CHD8: variants seen among roughly 807,000 people sequenced by gnomAD.
The protein encoded by CHD8 is ATP-dependent chromatin remodeler CHD8.
In CHD8, 31 loss-of-function variants were observed where a neutral mutation model predicts 279.2. The ratio of observed to expected loss-of-function variants is 0.11; its 90% CI spans 0.08 to 0.15. CHD8 has a LOEUF of 0.15. Among genes scored for constraint, CHD8 ranks in the 10% least tolerant of loss-of-function variants. The probability of loss-of-function intolerance (pLI) is 1.00; values close to 1 mark genes in which losing one functional copy is unlikely to be tolerated. For missense variants in CHD8, 2,146 were observed against 3,230.5 expected, an observed-to-expected ratio of 0.66 and a Z score of 8.14; for synonymous variants, 1,081 against 1,139.6, an observed-to-expected ratio of 0.95 and a Z score of 1.04.
At chr14:21,390,809 T>C in intron 37 of CHD8, 138 bp downstream of exon 37, 1 of 581,044 alleles carries the variant, frequency 1.7e-6, no homozygotes, top group Non-Finnish European at 3.0e-6. Flanking sequence ...GGTTTCCTTA[T>C]TGGTGAACTC....
At chr14:21,433,051 A>G (rs1889632311) in intron 1 of CHD8, among the ~76,000 whole-genome samples, 1 of 152,160 alleles carries the variant, frequency 6.6e-6, no homozygotes, top group Admixed American at 6.5e-5. Flanking sequence ...TCTCTGGGAG[A>G]AAGTTCTTGG....
At chr14:21,397,693 G>A in intron 27 of CHD8, 130 bp downstream of exon 27, 15 of 878,368 alleles carry the variant, frequency 1.7e-5, no homozygotes, top group East Asian at 2.7e-5. Flanking sequence ...CTTTCTGCTG[G>A]TCCTATTTTT....
chr14:21,454,279 C>G (rs760171469), intron 1 of CHD8, among the ~76,000 whole-genome samples: 8 of 152,096 alleles, frequency 5.3e-5, no homozygotes, highest in Non-Finnish European at 1.2e-4. Flanking sequence ...AATACAAAAA[C>G]TGTTCAAGTA....
At chr14:21,445,231 T>C (rs1430364359) in intron 1 of CHD8, among the ~76,000 whole-genome samples, 1 of 152,220 alleles carries the variant, frequency 6.6e-6, no homozygotes, top group Admixed American at 6.5e-5. Context: ...ACTGGTTCTC[T>C]TCCATTCTGC....
At chr14:21,439,428 C>A (rs1566452543) in intron 1 of CHD8, among the ~76,000 whole-genome samples, 1 of 152,164 alleles carries the variant, frequency 6.6e-6, no homozygotes. Flanking sequence ...GATTCTCTTA[C>A]AATATATAAC....
At chr14:21,437,132 A>G (rs1218490676) in intron 1 of CHD8, 2 of 994,050 alleles carry the variant, frequency 2.0e-6, no homozygotes, top group African/African-American at 1.7e-5. Flanking sequence ...GAGAGGCCCG[A>G]CAAGCCCTGA....
chr14:21,410,572 A>G (rs1888446917), intron 10 of CHD8, among the ~76,000 whole-genome samples: 1 of 152,242 alleles, frequency 6.6e-6, no homozygotes. Flanking sequence ...AAAAAGTTCA[A>G]CTACAGTAAG....
At chr14:21,407,323 T>G (rs1428210082) in intron 13 of CHD8, among the ~76,000 whole-genome samples, 1 of 152,134 alleles carries the variant, frequency 6.6e-6, no homozygotes, top group Non-Finnish European at 1.5e-5. Context: ...GCCCCAGATC[T>G]TTTGTTGATT....
At chr14:21,432,576 C>T (rs968588564) in intron 1 of CHD8, among the ~76,000 whole-genome samples, 2 of 152,172 alleles carry the variant, frequency 1.3e-5, no homozygotes, top group Non-Finnish European at 2.9e-5. Flanking sequence ...TTTTACATTC[C>T]AGTCCAACTA....
At chr14:21,424,186 G>T (rs552968668) in intron 5 of CHD8, among the ~76,000 whole-genome samples, 1 of 152,172 alleles carries the variant, frequency 6.6e-6, no homozygotes, top group Non-Finnish European at 1.5e-5. Context: ...CAATTCGGTT[G>T]GGATTTATTT....
chr14:21,412,831 T>A, intron 10 of CHD8, 82 bp downstream of exon 10: 1 of 833,170 alleles, frequency 1.2e-6, no homozygotes, highest in Non-Finnish European at 2.1e-6. Context: ...TCTGCATCCA[T>A]ACCCGAAAAA....
chr14:21,406,864 T>G lies in CHD8; in HGVS notation c.2899A>C (p.Met967Leu). Reference protein sequence around the residue: ...NCKLLDSLKHMDLEHKVLLTG... With the variant: ...NCKLLDSLKHLDLEHKVLLTG... ...GTCAGTGTGGAACTCACCAGGTCCATGTGCTTGAGACTATCAAGCAGCTTG... is the reference window on the plus strand; with the variant it reads ...GTCAGTGTGGAACTCACCAGGTCCAGGTGCTTGAGACTATCAAGCAGCTTG... Residue 967 changes from methionine to leucine, a missense_variant, in exon 14 of 38, where the codon ATG (methionine) becomes CTG (leucine). This residue lies in a region of CHD8 where 211 missense variants were observed against 464.7 expected (regional missense o/e 0.45). Coordinates refer to ENST00000646647, the MANE Select transcript of CHD8 (RefSeq NM_001170629.2). 4 of 1,612,898 alleles carry G rather than the reference T, an allele frequency of 2.5e-6. No homozygotes were observed. The highest frequency in any genetic ancestry group is 3.4e-6 in the Non-Finnish European group (4 of 1,179,356).
intron 9 of CHD8, among the ~76,000 whole-genome samples, chr14:21,413,281 C>T (rs1439067952): frequency 6.6e-6 from 1 of 152,140 alleles, no homozygotes; most frequent in African/African-American, 2.4e-5. Flanking sequence ...AATCCCTCTA[C>T]CGAGTCATTG....
In CHD8 at chr14:21,426,228, A is replaced by G; in HGVS notation, c.1616T>C (p.Val539Ala). 1 of 1,592,140 alleles carries G rather than the reference A, an allele frequency of 6.3e-7. No homozygotes were observed. Among genetic ancestry groups the G allele is most frequent in the Admixed American group, 1.7e-5 (1 of 58,884 alleles). ...GKSKLNTITP[V>A]VGKKRKRNTS... is the part of the protein sequence containing the mutation. ...ATTACGTTTTCTCTTCTTACCCACT[A>G]CAGGAGTGATGGTGCTAAAAAGGAA... Residue 539 changes from valine (V) to alanine (A), a missense_variant, in exon 5 of 38, where the codon GTA (valine) becomes GCA (alanine). Val to Ala is a moderately conservative substitution (Grantham distance 64). Around this residue, in one of 26 missense-constraint regions of CHD8, gnomAD observed 123 missense variants for 169.2 expected, o/e 0.73. Transcript: ENST00000646647.
At chr14:21,396,023 G>A in intron 27 of CHD8, 131 bp from the exon 28 acceptor site, 2 of 673,196 alleles carry the variant, frequency 3.0e-6, no homozygotes, top group Non-Finnish European at 5.2e-6. Flanking sequence ...TTTGAGACAG[G>A]TCTCACTCTG....
At chr14:21,438,083 CAG>C (rs1468029974) in intron 1 of CHD8, among the ~76,000 whole-genome samples, 7 of 152,098 alleles carry the variant, frequency 4.6e-5, no homozygotes, top group Non-Finnish European at 7.4e-5. Flanking sequence ...TTTTTTGAGA[CAG>C]AGTCTGACTC....
At chr14:21,448,927 T>C (rs1331886967) in intron 1 of CHD8, among the ~76,000 whole-genome samples, 5 of 150,296 alleles carry the variant, frequency 3.3e-5, no homozygotes, top group Admixed American at 6.6e-5. Flanking sequence ...GTAATCCCAG[T>C]ACTTTGGGAG....
chr14:21,451,365 T>A (rs1480158923), intron 1 of CHD8, among the ~76,000 whole-genome samples: 1 of 150,158 alleles, frequency 6.7e-6, no homozygotes, highest in Non-Finnish European at 1.5e-5. Context: ...AGCCCAGGAG[T>A]TTGAGACCAG....
chr14:21,443,549 T>C (rs2139565554), intron 1 of CHD8, among the ~76,000 whole-genome samples: 1 of 151,502 alleles, frequency 6.6e-6, no homozygotes, highest in Non-Finnish European at 1.5e-5. Flanking sequence ...AAAGCAAAAA[T>C]GTCCAACCAT....
Sources: allele counts gnomAD v4.1 joint callset (sites outside exome capture counted in the v4.1 genomes callset), GRCh38; gene constraint gnomAD v4.1.1; regional missense constraint gnomAD v4.1.1; transcripts MANE v1.5; gene names NCBI Gene and HGNC (gene_info 2026-07-23, HGNC 2026-07-21).